Variants in METTL25 observed in about 807,000 individuals in gnomAD.
METTL25 encodes methyltransferase like 25.
METTL25 carries 64 observed loss-of-function variants against 71.6 expected under a neutral mutation model. The ratio of observed to expected loss-of-function variants is 0.89; its 90% confidence interval spans 0.73 to 1.10. METTL25 has a LOEUF of 1.10. METTL25 is among the 50% of genes least tolerant of loss of function. The probability of loss-of-function intolerance (pLI) is 0.00; values close to 1 mark genes in which losing one functional copy is unlikely to be tolerated. For synonymous variants in METTL25, 287 were observed against 250.3 expected (o/e 1.15, Z -1.38); for missense variants, 807 against 707.0 (o/e 1.14, Z -1.60).
chr12:82,372,981 G>A (rs1163884805), intron 1 of METTL25, among the ~76,000 whole-genome samples: 2 of 152,178 alleles, frequency 1.3e-5, no homozygotes, highest in Admixed American at 6.5e-5. Flanking sequence ...ACCACAAGGA[G>A]GACCGAGGAA....
At chr12:82,459,888 A>T (rs1032324613) in intron 9 of METTL25, 2 of 152,224 alleles carry the variant, frequency 1.3e-5, no homozygotes, top group Non-Finnish European at 2.9e-5. Context: ...GATCACAGTG[A>T]TACTAATCTT....
chr12:82,387,989 G>C (rs1000542622), intron 2 of METTL25, among the ~76,000 whole-genome samples: 2 of 151,802 alleles, frequency 1.3e-5, no homozygotes, highest in African/African-American at 4.8e-5. Context: ...CTCATACCTG[G>C]CATTTAGTTG....
At chr12:82,440,781 T>C (rs1284084169) in intron 8 of METTL25, among the ~76,000 whole-genome samples, 2 of 152,052 alleles carry the variant, frequency 1.3e-5, no homozygotes, top group Admixed American at 6.6e-5. Context: ...ATGCCAGAGA[T>C]GTGTGTGCAC....
intron 1 of METTL25, among the ~76,000 whole-genome samples, chr12:82,365,688 T>G (rs972961837): frequency 2.0e-5 from 3 of 152,304 alleles, no homozygotes; most frequent in Middle Eastern, 3.4e-3. Context: ...AGGGGAGAGA[T>G]AGTCTAAGTC....
chr12:82,371,315 C>T (rs925914910), intron 1 of METTL25, among the ~76,000 whole-genome samples: 4 of 152,212 alleles, frequency 2.6e-5, no homozygotes, highest in Non-Finnish European at 5.9e-5. Flanking sequence ...GTTGGATCAT[C>T]TGGTTGGGGC....
intron 7 of METTL25, 59 bp downstream of exon 7, chr12:82,434,783 T>A: frequency 2.2e-6 from 3 of 1,373,842 alleles, no homozygotes; most frequent in Non-Finnish European, 3.1e-6. Context: ...CTCTTCATAC[T>A]TGACCTGCTG....
At chr12:82,385,966 A>G (rs4553425) in intron 1 of METTL25, among the ~76,000 whole-genome samples, 140,642 of 152,152 alleles carry the variant, frequency 0.92, 65,321 homozygotes, top group East Asian at 1. Context: ...CCTGAGTTCA[A>G]CAAGGTTCAT....
rs1343354462 is a variant in METTL25, at chr12:82,376,625, A to G, written c.260-10178A>G. Among the ~76,000 whole-genome samples, 98 of 152,240 alleles carry G rather than the reference A, an allele frequency of 6.4e-4. 1 individual carries two copies. The highest frequency in any genetic ancestry group is 6.3e-3 in the Admixed American group (97 of 15,286). On this transcript the variant is annotated intron_variant, in intron 1 of 11. Coordinates refer to ENST00000248306, the MANE Select transcript of METTL25 (RefSeq NM_032230.3). ...CTATCTTTGTATCTATTGACTATAA[A>G]AGCATTATCCAAACACAGTGAACCT...
intron 5 of METTL25, among the ~76,000 whole-genome samples, chr12:82,417,930 C>A (rs540205716): frequency 6.6e-6 from 1 of 152,030 alleles, no homozygotes; most frequent in Non-Finnish European, 1.5e-5. Context: ...ACAGAGGGAA[C>A]AGCAAGTAAA....
chr12:82,371,647 G>A (rs533066041), intron 1 of METTL25, among the ~76,000 whole-genome samples: 2 of 152,102 alleles, frequency 1.3e-5, no homozygotes, highest in Non-Finnish European at 2.9e-5. Context: ...AACGCCTCCA[G>A]ATTTTTTTCA....
intron 5 of METTL25, among the ~76,000 whole-genome samples, chr12:82,405,929 C>T (rs1038255196): frequency 2.0e-5 from 3 of 152,158 alleles, no homozygotes; most frequent in Non-Finnish European, 4.4e-5. Context: ...GTTTTCCTGC[C>T]TTGGCAGCTG....
chr12:82,466,904 T>C (rs905684759), intron 9 of METTL25, among the ~76,000 whole-genome samples: 1 of 152,156 alleles, frequency 6.6e-6, no homozygotes, highest in African/African-American at 2.4e-5. Flanking sequence ...CTGCTCAATT[T>C]TTCCGTTAGC....
At chr12:82,404,107 A>G (rs1355050901) in intron 5 of METTL25, among the ~76,000 whole-genome samples, 3 of 152,128 alleles carry the variant, frequency 2.0e-5, no homozygotes, top group African/African-American at 7.2e-5. Context: ...TAGAATTGGC[A>G]CACATTTTTA....
At chr12:82,444,162 G>T (rs926033725) in intron 8 of METTL25, among the ~76,000 whole-genome samples, 1 of 151,966 alleles carries the variant, frequency 6.6e-6, no homozygotes, top group Admixed American at 6.6e-5. Flanking sequence ...AAAAGACAAA[G>T]AAAGGATCAA....
intron 8 of METTL25, among the ~76,000 whole-genome samples, chr12:82,449,225 C>T (rs1250951814): frequency 6.6e-6 from 1 of 152,180 alleles, no homozygotes; most frequent in Non-Finnish European, 1.5e-5. Context: ...CTTAACTTCT[C>T]ATCATTTGTC....
intron 1 of METTL25, among the ~76,000 whole-genome samples, chr12:82,376,092 T>C (rs1883824527): frequency 6.6e-6 from 1 of 152,252 alleles, no homozygotes; most frequent in Admixed American, 6.5e-5. Flanking sequence ...TTTTTCTAGA[T>C]TAAGTAATAT....
intron 5 of METTL25, among the ~76,000 whole-genome samples, chr12:82,408,592 G>C (rs1399056676): frequency 9.2e-6 from 1 of 108,310 alleles, no homozygotes; most frequent in Non-Finnish European, 1.9e-5. Flanking sequence ...GAACAGATGT[G>C]ACTCCGTGTG....
At chr12:82,386,666 T>A in intron 1 of METTL25, 137 bp from the exon 2 acceptor site, 1 of 671,358 alleles carries the variant, frequency 1.5e-6, no homozygotes, top group Admixed American at 2.8e-5. Context: ...AGCCATTAGA[T>A]ATATTGCCAA....
chr12:82,460,481 C>T (rs1403911481), intron 9 of METTL25, among the ~76,000 whole-genome samples: 1 of 152,154 alleles, frequency 6.6e-6, no homozygotes, highest in Non-Finnish European at 1.5e-5. Flanking sequence ...TAATCAAGCT[C>T]AACATGAACA....
Sources: gnomAD v4.1 joint callset for allele counts (sites outside exome capture counted in the v4.1 genomes callset) on GRCh38, gnomAD v4.1.1 for gene constraint, MANE v1.5 for transcripts, NCBI Gene and HGNC (gene_info 2026-07-23, HGNC 2026-07-21) for gene names.